ZNF552: variants seen among roughly 807,000 people sequenced by gnomAD.
ZNF552 encodes the protein zinc finger protein 552.
In ZNF552, 2 loss-of-function variants were observed where a neutral mutation model predicts 7.2. That is an observed-to-expected ratio of 0.28 (90% CI 0.11 to 0.88). ZNF552 has a LOEUF of 0.88. Among genes scored for constraint, ZNF552 ranks in the 40% least tolerant of loss-of-function variants. ZNF552 has a pLI of 0.60. For missense variants in ZNF552, 421 were observed against 493.4 expected (o/e 0.85, Z 1.39); for synonymous variants, 173 against 176.5 (o/e 0.98, Z 0.16).
At position 57,808,165 on chromosome 19, in the gene ZNF552, G is replaced by A; in HGVS notation, c.1099C>T (p.Leu367Phe). Residue 367 changes from leucine (L) to phenylalanine (F), a missense_variant, in exon 3 of 3, where the codon CTC (leucine) becomes TTC (phenylalanine). By Grantham distance (22) the Leu-to-Phe change is conservative. This residue lies in a region of ZNF552 where 299 missense variants were observed against 293.7 expected (regional missense o/e 1.02). Coordinates refer to ENST00000391701, the MANE Select transcript of ZNF552 (RefSeq NM_024762.3). ...GTGTGAACTCTCCTGTGTTTAGTGA[G>A]ACTGGAGCTTTCGGCAAAAGATTTC... ...CGKSFAESSS[L>F]TKHRRVHTGE... The A allele has an allele frequency of 2.5e-6, 4 of 1,614,130 alleles. No individual in the cohort carries two copies. Among genetic ancestry groups the A allele is most frequent in the Non-Finnish European group, 2.5e-6 (3 of 1,180,026 alleles).
chr19:57,808,690 T>C lies in ZNF552; in HGVS notation c.574A>G (p.Thr192Ala). The C allele has an allele frequency of 6.2e-7, 1 of 1,614,224 alleles. No individual in the cohort carries two copies. The highest frequency in any genetic ancestry group is 8.5e-7 in the Non-Finnish European group (1 of 1,180,044). Residue 192 changes from threonine (T) to alanine (A), a missense_variant, in exon 3 of 3, where the codon ACT becomes GCT. This residue lies in a region of ZNF552 where 299 missense variants were observed against 293.7 expected (regional missense o/e 1.02). Transcript: ENST00000391701. ...SGLLQQEATH[T>A]GKSNSKTECV... is the part of the protein sequence containing the mutation. Reference sequence around the variant, plus strand: ...TCAGTTTTGCTGTTTGACTTCCCAGTGTGAGTGGCCTCTTGCTGGAGTAAT... The same window carrying C: ...TCAGTTTTGCTGTTTGACTTCCCAGCGTGAGTGGCCTCTTGCTGGAGTAAT...
Position 57,808,109 on chromosome 19 carries a change from A to G in ZNF552, c.1155T>C (p.Cys385=), listed in dbSNP as rs1987776269. ...AAGAGATTTGCCTAAATTTTTTTTC[A>G]CATTCACTGCACCCGTAAGGCTTTT... The part of the protein sequence containing the change: ...TGEKPYGCSE[C]EKKFRQISSL... Residue 385 remains cysteine, a synonymous_variant, in exon 3 of 3, where the codon TGT becomes TGC. Coordinates refer to ENST00000391701, the MANE Select transcript of ZNF552 (RefSeq NM_024762.3). 6.2e-7 allele frequency: 1 copy of G among 1,613,594 alleles called. No individual in the cohort carries two copies. Among genetic ancestry groups the G allele is most frequent in the African/African-American group, 1.3e-5 (1 of 74,848 alleles).
At chr19:57,813,557 TG>T (rs1330415391) in intron 1 of ZNF552, 137 bp from the exon 2 acceptor site, 1 of 1,375,308 alleles carries the variant, frequency 7.3e-7, no homozygotes, top group Non-Finnish European at 1.0e-6. Flanking sequence ...CCACTGGTCA[TG>T]GGGTACAGCC....
At chr19:57,813,100 C>G in intron 2 of ZNF552, 194 bp downstream of exon 2, 1 of 871,410 alleles carries the variant, frequency 1.1e-6, no homozygotes, top group East Asian at 2.8e-5. Context: ...GAATTCTTCC[C>G]TGGGAGCTCA....
chr19:57,810,562 T>G (rs1262041684), intron 2 of ZNF552, among the ~76,000 whole-genome samples: 1 of 152,180 alleles, frequency 6.6e-6, no homozygotes, highest in Non-Finnish European at 1.5e-5. Flanking sequence ...CAAGGCAGCA[T>G]GCTTGTTAAA....
At chr19:57,814,574 G>A (rs774412276) in intron 1 of ZNF552, 137 bp downstream of exon 1, 22 of 1,559,598 alleles carry the variant, frequency 1.4e-5, no homozygotes, top group African/African-American at 2.7e-5. Flanking sequence ...TCTGAAACAG[G>A]GATCCCTCCC....
At chr19:57,813,637 T>G (rs1430984275) in intron 1 of ZNF552, among the ~76,000 whole-genome samples, 1 of 150,466 alleles carries the variant, frequency 6.6e-6, no homozygotes, top group Non-Finnish European at 1.5e-5. Flanking sequence ...GTCCACCCCC[T>G]CCTGACAGGC....
chr19:57,808,023 G>C lies in ZNF552; in HGVS notation c.*17C>G, dbSNP rs1219452328. The C allele has an allele frequency of 1.3e-6, 2 of 1,586,824 alleles. No individual in the cohort carries two copies. Among genetic ancestry groups the C allele is most frequent in the Admixed American group, 3.5e-5 (2 of 56,378 alleles). On this transcript the variant is annotated 3_prime_UTR_variant, in exon 3 of 3. Transcript: ENST00000391701. ...GTGTGTATTCTCCAATATTTAATGA[G>C]ACTGGACTCACTGCACTCATAAGCC... is the stretch of plus-strand genomic sequence containing the variant.
At chr19:57,814,573 G>C (rs764319257) in intron 1 of ZNF552, 138 bp downstream of exon 1, 206 of 1,559,074 alleles carry the variant, frequency 1.3e-4, no homozygotes, top group Non-Finnish European at 1.6e-4. Flanking sequence ...GTCTGAAACA[G>C]GGATCCCTCC....
intron 2 of ZNF552, among the ~76,000 whole-genome samples, chr19:57,812,659 C>T (rs1987879735): frequency 6.6e-6 from 1 of 152,204 alleles, no homozygotes; most frequent in Non-Finnish European, 1.5e-5. Context: ...ACCCCTGCCT[C>T]CTGGGTTCAA....
chr19:57,812,909 T>C (rs1987883717), intron 2 of ZNF552: 1 of 244,292 alleles, frequency 4.1e-6, no homozygotes, highest in Non-Finnish European at 8.0e-6. Flanking sequence ...AAGAACAGTC[T>C]ATAGTCTATG....
Position 57,814,885 on chromosome 19 carries a change from C to T in ZNF552, c.-142G>A, listed in dbSNP as rs1987932159. On this transcript the variant is annotated 5_prime_UTR_variant, in exon 1 of 3. Coordinates refer to ENST00000391701, the MANE Select transcript of ZNF552 (RefSeq NM_024762.3). ...GTCCCAACACAGCGCTCCAAGGACT[C>T]CCTAACGCCAATGGAAATGGTCGCT... 5 of 848,318 alleles carry T rather than the reference C, an allele frequency of 5.9e-6. No homozygotes were observed. The East Asian group carries it at 1.3e-4, about 23-fold the overall frequency. 52.5% of individuals were successfully genotyped at this position (848,318 alleles called of 1,614,324 possible). A position where few individuals can be genotyped will look rare whatever the true frequency, so the allele number is the denominator to read the frequency against.
Position 57,808,092 on chromosome 19 carries a change from T to C in ZNF552, c.1172A>G (p.Gln391Arg). The C allele has an allele frequency of 6.2e-7, 1 of 1,614,106 alleles. No homozygotes were observed. The highest frequency in any genetic ancestry group is 8.5e-7 in the Non-Finnish European group (1 of 1,179,986). Residue 391 changes from glutamine (Q) to arginine (R), a missense_variant, in exon 3 of 3, where the codon CAA becomes CGA. By Grantham distance (43) the Gln-to-Arg change is conservative. Around this residue, in one of 2 missense-constraint regions of ZNF552, gnomAD observed 299 missense variants for 293.7 expected, o/e 1.02. Coordinates refer to ENST00000391701, the MANE Select transcript of ZNF552 (RefSeq NM_024762.3). ...GCSECEKKFR[Q>R]ISSLRHHQRV... ...CTGATGATGACGAAGTGAAGAGATT[T>C]GCCTAAATTTTTTTTCACATTCACT...
At chr19:57,809,809 C>T (rs1987819760) in intron 2 of ZNF552, among the ~76,000 whole-genome samples, 1 of 152,088 alleles carries the variant, frequency 6.6e-6, no homozygotes, top group East Asian at 1.9e-4. Context: ...TGGTGAGACC[C>T]TGTCTCTACA....
Position 57,812,180 on chromosome 19 carries a change from A to G in ZNF552, c.160+1114T>C, listed in dbSNP as rs573406385. 1.1e-3 allele frequency among the ~76,000 whole-genome samples: 166 copies of G among 152,218 alleles called. 3 individuals are homozygous for G. Among genetic ancestry groups the G allele is most frequent in the Non-Finnish European group, 1.6e-4 (11 of 68,010 alleles). ...CAAGCTACTGCACTCCAGCCTGGGC[A>G]ACAGAACAAGACCCTTTCTCAAAAA... On this transcript the variant is annotated intron_variant, in intron 2 of 2. Transcript: ENST00000391701.
chr19:57,811,610 CAGGAGGCTG>C (rs1028888395), intron 2 of ZNF552, among the ~76,000 whole-genome samples: 1 of 149,300 alleles, frequency 6.7e-6, no homozygotes, highest in African/African-American at 2.5e-5. Flanking sequence ...CCCAGCTACT[CAGGAGGCTG>C]AGGGCAGAAT....
Position 57,813,362 on chromosome 19 carries a change from A to C in ZNF552, c.92T>G (p.Leu31Arg). 10 of 1,614,076 alleles carry C rather than the reference A, an allele frequency of 6.2e-6. No homozygotes were observed. The highest frequency in any genetic ancestry group is 8.5e-6 in the Non-Finnish European group (10 of 1,180,016). ...VKFTQEEWNL[L>R]SEAQRCLYRD... The stretch of plus-strand genomic sequence containing the variant: ...GTACAGGCATCTCTGAGCCTCACTA[A>C]GGAGATTCCATTCCTCCTGGGTAAA... The change falls in exon 2 of 3, where the codon CTT becomes CGT. Residue 31 changes from leucine to arginine, a missense_variant. Physicochemically the swap from Leu to Arg is moderately radical, Grantham distance 102. Coordinates refer to ENST00000391701, the MANE Select transcript of ZNF552 (RefSeq NM_024762.3).
chr19:57,811,110 G>T lies in ZNF552; in HGVS notation c.161-2007C>A, dbSNP rs760704287. On this transcript the variant is annotated intron_variant, in intron 2 of 2. Transcript: ENST00000391701. ...ACTCGGAGACTGGTGGCGGCAGGGG[G>T]AAGGCAGGGTTCCTCCGTATGCTGA... is the stretch of plus-strand genomic sequence containing the variant. Among the ~76,000 whole-genome samples, 31 of 152,114 alleles carry T rather than the reference G, an allele frequency of 2.0e-4. No individual in the cohort carries two copies. The Middle Eastern group carries it at 0.01, about 50-fold the overall frequency.
chr19:57,813,024 T>G, intron 2 of ZNF552: 1 of 489,484 alleles, frequency 2.0e-6, no homozygotes, highest in Admixed American at 3.6e-5. Context: ...CTGGATGAAA[T>G]CACACAAACA....
Sources: gnomAD v4.1 joint callset for allele counts (sites outside exome capture counted in the v4.1 genomes callset) on GRCh38, gnomAD v4.1.1 for gene constraint, gnomAD v4.1.1 regional missense constraint, MANE v1.5 for transcripts, NCBI Gene and HGNC (gene_info 2026-07-23, HGNC 2026-07-21) for gene names.